The following SLIT1 variants were observed in gnomAD, a reference collection of about 807,000 sequenced individuals.
SLIT1 encodes the protein slit guidance ligand 1.
In SLIT1, 66 loss-of-function variants were observed where a neutral mutation model predicts 186.1. The observed-to-expected ratio is 0.35, with a 90% confidence interval of 0.29 to 0.44. The LOEUF (loss-of-function observed/expected upper bound fraction) is 0.44, where lower values mean the gene tolerates loss of function less well. Ranked by LOEUF, SLIT1 falls within the 20% of genes least tolerant of loss-of-function variation. The pLI is 1.00. For synonymous variants in SLIT1, 761 were observed against 833.8 expected (o/e 0.91, Z 1.50); for missense variants, 1,638 against 2,037.4 (o/e 0.80, Z 3.77).
At chr10:97,179,208 T>C (rs1190707548) in intron 1 of SLIT1, among the ~76,000 whole-genome samples, 1 of 152,196 alleles carries the variant, frequency 6.6e-6, no homozygotes, top group Non-Finnish European at 1.5e-5. Context: ...GTGCCAGGCA[T>C]TACTCTATTC....
chr10:97,121,946 C>A (rs1849563494), intron 4 of SLIT1, among the ~76,000 whole-genome samples: 1 of 152,168 alleles, frequency 6.6e-6, no homozygotes, highest in Non-Finnish European at 1.5e-5. Flanking sequence ...TCCATAAAAT[C>A]TTATCAGGCA....
In SLIT1 at chr10:97,160,218, C is replaced by T. The variant is rs544921569; in HGVS notation, c.342-2329G>A. On this transcript the variant is annotated intron_variant, in intron 3 of 36. Coordinates refer to ENST00000266058, the MANE Select transcript of SLIT1 (RefSeq NM_003061.3). Reference sequence around the variant, plus strand: ...GCATCTACTCTGGAGTTTATAACTGCTCACAAGAACCAGTTATGTCTACTC... The same window carrying T: ...GCATCTACTCTGGAGTTTATAACTGTTCACAAGAACCAGTTATGTCTACTC... Among the ~76,000 whole-genome samples the T allele has an allele frequency of 2.6e-5, 4 of 152,324 alleles. No homozygotes were observed. The South Asian group carries it at 8.3e-4, about 32-fold the overall frequency.
chr10:97,157,866 T>C lies in SLIT1; in HGVS notation c.365A>G (p.His122Arg). The C allele has an allele frequency of 6.2e-7, 1 of 1,614,068 alleles. No homozygotes were observed. The highest frequency in any genetic ancestry group is 8.5e-7 in the Non-Finnish European group (1 of 1,179,900). ...ERLRLNRNQL[H>R]MLPELLFQNN... ...CTGGAACAGCAGTTCCGGTAACATGTGCAGCTGGTTTCGGTTCAGTCGCCT... is the reference window on the plus strand; with the variant it reads ...CTGGAACAGCAGTTCCGGTAACATGCGCAGCTGGTTTCGGTTCAGTCGCCT... The change falls in exon 4 of 37, where the codon CAC (histidine) becomes CGC (arginine). Residue 122 changes from histidine (H) to arginine (R), a missense_variant. Around this residue, in one of 3 missense-constraint regions of SLIT1, gnomAD observed 1,245 missense variants for 1,535.3 expected, o/e 0.81. Transcript: ENST00000266058.
At chr10:97,113,779 C>T (rs146708252) in intron 4 of SLIT1, among the ~76,000 whole-genome samples, 34 of 152,264 alleles carry the variant, frequency 2.2e-4, no homozygotes, top group African/African-American at 7.9e-4. Context: ...TGATCTCGAA[C>T]TCCTGACCTC....
intron 10 of SLIT1, among the ~76,000 whole-genome samples, chr10:97,059,747 G>C (rs1589378224): frequency 6.6e-6 from 1 of 152,280 alleles, no homozygotes; most frequent in Non-Finnish European, 1.5e-5. Flanking sequence ...CTCCAGCTTG[G>C]GAAGTTATGG....
intron 23 of SLIT1, 116 bp downstream of exon 23, chr10:97,034,355 A>G (rs373644732): frequency 2.6e-6 from 2 of 778,888 alleles, no homozygotes; most frequent in Admixed American, 3.5e-5. Context: ...CACCCTCTCC[A>G]GAGGGCAAGG....
At chr10:97,119,933 A>ATG (rs1849545240) in intron 4 of SLIT1, among the ~76,000 whole-genome samples, 1 of 136,512 alleles carries the variant, frequency 7.3e-6, no homozygotes, top group Non-Finnish European at 1.6e-5. Flanking sequence ...ATATATATAT[A>ATG]TATATATATA....
Position 97,001,163 on chromosome 10 carries a change from A to C in SLIT1, c.4554T>G (p.Phe1518Leu), listed in dbSNP as rs767763301. Residue 1518 changes from phenylalanine to leucine, a missense_variant, in exon 37 of 37, where the codon TTT becomes TTG. Transcript: ENST00000266058. The stretch of plus-strand genomic sequence containing the variant: ...TGGTGGGCTTTTCCACCTCCTCGGC[A>C]AAAGAGGTCCCATCGCTGCACTCAA... ...FTFECSDGTS[F>L]AEEVEKPTKC... The C allele has an allele frequency of 5.0e-6, 8 of 1,613,112 alleles. No homozygotes were observed. The highest frequency in any genetic ancestry group is 5.9e-6 in the Non-Finnish European group (7 of 1,179,862).
chr10:97,094,691 G>A (rs1039155330), intron 4 of SLIT1, among the ~76,000 whole-genome samples: 3 of 152,190 alleles, frequency 2.0e-5, no homozygotes, highest in South Asian at 2.1e-4. Flanking sequence ...GATAAGCATC[G>A]AGCACAGTGC....
intron 2 of SLIT1, 27 bp from the exon 3 acceptor site, chr10:97,163,478 C>A: frequency 6.2e-7 from 1 of 1,607,770 alleles, no homozygotes; most frequent in Non-Finnish European, 8.5e-7. Flanking sequence ...ACAAGGACAG[C>A]TACAGGGTGT....
intron 28 of SLIT1, among the ~76,000 whole-genome samples, chr10:97,017,201 C>T (rs1346289603): frequency 6.6e-6 from 1 of 152,204 alleles, no homozygotes; most frequent in Non-Finnish European, 1.5e-5. Flanking sequence ...GAGGAGGGCG[C>T]GCCCAGGGAG....
intron 4 of SLIT1, among the ~76,000 whole-genome samples, chr10:97,097,702 T>A (rs1384068590): frequency 6.6e-6 from 1 of 152,230 alleles, no homozygotes; most frequent in East Asian, 1.9e-4. Context: ...TCCACTCTGA[T>A]CATTCGTTCA....
chr10:97,157,577 C>T, intron 4 of SLIT1: 1 of 536,902 alleles, frequency 1.9e-6, no homozygotes, highest in South Asian at 2.8e-5. Flanking sequence ...CTGTCAGCGG[C>T]AGCTCACAAA....
intron 3 of SLIT1, 73 bp downstream of exon 3, chr10:97,163,307 C>T: frequency 7.5e-7 from 1 of 1,328,730 alleles, no homozygotes; most frequent in Non-Finnish European, 1.1e-6. Context: ...TCATCCCTGG[C>T]AGCAGCTTGG....
chr10:97,093,359 T>A (rs945523492), intron 4 of SLIT1, among the ~76,000 whole-genome samples: 4 of 152,246 alleles, frequency 2.6e-5, no homozygotes, highest in Non-Finnish European at 5.9e-5. Flanking sequence ...AGATAAAAAT[T>A]ACATTTCCTA....
At chr10:97,152,543 G>A (rs577839050) in intron 4 of SLIT1, among the ~76,000 whole-genome samples, 1 of 152,348 alleles carries the variant, frequency 6.6e-6, no homozygotes, top group African/African-American at 2.4e-5. Context: ...CCATGAGGCA[G>A]CCAGCCCTTA....
At chr10:97,096,426 C>G (rs568284556) in intron 4 of SLIT1, among the ~76,000 whole-genome samples, 150 of 152,220 alleles carry the variant, frequency 9.9e-4, no homozygotes, top group African/African-American at 3.5e-3. Flanking sequence ...GCCCTCCCCA[C>G]CACTCTCTGA....
At chr10:97,078,931 G>A (rs1172547054) in intron 4 of SLIT1, among the ~76,000 whole-genome samples, 1 of 152,224 alleles carries the variant, frequency 6.6e-6, no homozygotes, top group Non-Finnish European at 1.5e-5. Flanking sequence ...GAACAGTTAG[G>A]ACCAGCGACT....
chr10:97,121,798 G>A (rs765098979), intron 4 of SLIT1, among the ~76,000 whole-genome samples: 6 of 152,034 alleles, frequency 3.9e-5, no homozygotes, highest in Admixed American at 1.3e-4. Context: ...CTATAGTCCC[G>A]CTCAACCCCA....
Sources: gnomAD v4.1 joint callset for allele counts (sites outside exome capture counted in the v4.1 genomes callset) on GRCh38, gnomAD v4.1.1 for gene constraint, gnomAD v4.1.1 regional missense constraint, MANE v1.5 for transcripts, NCBI Gene and HGNC (gene_info 2026-07-23, HGNC 2026-07-21) for gene names.